EIF4E3: variants seen among roughly 807,000 people sequenced by gnomAD.
EIF4E3 encodes the protein eukaryotic translation initiation factor 4E family member 3.
Under a neutral mutation model 31.7 loss-of-function variants are expected in EIF4E3, and 26 were observed. The ratio of observed to expected loss-of-function variants is 0.82; its 90% CI spans 0.60 to 1.14. The LOEUF (loss-of-function observed/expected upper bound fraction) is 1.14. EIF4E3 is among the 50% of genes most tolerant of loss of function. EIF4E3 has a pLI of 0.00. For synonymous variants in EIF4E3, 128 were observed against 107.7 expected (o/e 1.19, Z -1.17); for missense variants, 304 against 270.9 (o/e 1.12, Z -0.86).
upstream of EIF4E3, among the ~76,000 whole-genome samples, chr3:71,726,680 T>C (rs112586369): frequency 0.016 from 2,495 of 152,274 alleles, 69 homozygotes; most frequent in African/African-American, 0.056. Context: ...CAGACTGTCA[T>C]GAATCCCAGA....
chr3:71,754,281 G>A (rs749941350), upstream of EIF4E3: 14 of 1,166,106 alleles, frequency 1.2e-5, no homozygotes, highest in East Asian at 4.1e-5. This position sits in a 1 kb window ranked among gnomAD's most constrained non-coding sequence, Gnocchi z 5.8. Context: ...CGTCATGCTG[G>A]CGGCGCGGCG....
intron 1 of EIF4E3, among the ~76,000 whole-genome samples, chr3:71,743,662 A>T (rs973101077): frequency 3.3e-5 from 5 of 152,186 alleles, no homozygotes; most frequent in African/African-American, 4.8e-5. Flanking sequence ...CAGCCAAAAC[A>T]ACTAGAAAAA....
chr3:71,672,888 G>A (rs1275480043), downstream of EIF4E3, among the ~76,000 whole-genome samples: 3 of 152,234 alleles, frequency 2.0e-5, no homozygotes, highest in East Asian at 5.8e-4. Flanking sequence ...AGTTATCAGG[G>A]CTACAAAGCA....
chr3:71,725,313 A>G lies in EIF4E3; in HGVS notation c.55T>C (p.Ser19Pro). The part of the protein sequence containing the change: ...PPAGAREPPG[S>P]RAAAAAAAPE... ...GCGGCGGCAGCGGCGGCGGCGCGGG[A>G]CCCCGGCGGCTCCCGGGCCCCGGCG... The change falls in exon 1 of 7, where the codon TCC becomes CCC. Residue 19 changes from serine to proline, a missense_variant. Coordinates refer to ENST00000425534, the MANE Select transcript of EIF4E3 (RefSeq NM_001134651.2). This position sits in a 1 kb window ranked among gnomAD's most constrained non-coding sequence, Gnocchi z 6.1. The G allele has an allele frequency of 2.1e-6, 2 of 974,360 alleles. No individual in the cohort carries two copies. The highest frequency in any genetic ancestry group is 2.4e-6 in the Non-Finnish European group (2 of 821,742). The allele number at this position is 974,360 out of a possible 1,614,324, so 60.4% of individuals were successfully genotyped here.
rs760932981 is a variant in EIF4E3, at chr3:71,712,635, TG to T, written c.177-2152del. On this transcript the variant is annotated intron_variant, in intron 1 of 6. Coordinates refer to ENST00000425534, the MANE Select transcript of EIF4E3 (RefSeq NM_001134651.2). The stretch of plus-strand genomic sequence containing the variant: ...CCCTATGTGTGTGTGTTGCGGGGGG[TG>T]GGCGGGGGAGATTCTAGGGCTCAAA... 4.2e-3 allele frequency among the ~76,000 whole-genome samples: 247 copies of T among 59,364 alleles called. 3 individuals are homozygous for T. Among genetic ancestry groups the T allele is most frequent in the Non-Finnish European group, 5.6e-3 (171 of 30,602 alleles). 38.9% of individuals were successfully genotyped at this position (59,364 alleles called of 152,430 possible).
the EIF4E3 span, among the ~76,000 whole-genome samples, chr3:71,664,152 C>T: frequency 6.6e-6 from 1 of 152,194 alleles, no homozygotes; most frequent in African/African-American, 2.4e-5. Context: ...GCCACTGCAT[C>T]ACCAAGTCCC....
chr3:71,739,197 T>G (rs1474816015), intron 1 of EIF4E3, among the ~76,000 whole-genome samples: 2 of 148,792 alleles, frequency 1.3e-5, no homozygotes, highest in African/African-American at 2.5e-5. Context: ...ATTAAGAAAC[T>G]AGGAAAAGAA....
intron 1 of EIF4E3, among the ~76,000 whole-genome samples, chr3:71,714,297 G>C (rs4989933): frequency 0.027 from 2,540 of 94,214 alleles, 22 homozygotes; most frequent in East Asian, 0.05. Context: ...AAGGAAGGAA[G>C]GAAGGAACGA....
intron 6 of EIF4E3, among the ~76,000 whole-genome samples, 171 bp downstream of exon 6, chr3:71,689,839 T>A (rs190157945): frequency 6.7e-6 from 1 of 150,086 alleles, no homozygotes; most frequent in African/African-American, 2.4e-5. Flanking sequence ...TTTCTGAGAC[T>A]AAGCTTGTTT....
intron 6 of EIF4E3, among the ~76,000 whole-genome samples, chr3:71,688,960 CCT>C (rs1553659822): frequency 6.6e-6 from 1 of 152,112 alleles, no homozygotes; most frequent in Non-Finnish European, 1.5e-5. Flanking sequence ...GTTAATATCC[CCT>C]GTCATACTAG....
intron 1 of EIF4E3, among the ~76,000 whole-genome samples, chr3:71,747,965 C>G (rs185645418): frequency 8.0e-4 from 122 of 152,308 alleles, no homozygotes; most frequent in Admixed American, 2.9e-3. Flanking sequence ...AGACAGCAAG[C>G]ACAATATTTT....
chr3:71,667,942 T>A, the EIF4E3 span, among the ~76,000 whole-genome samples: 2 of 152,082 alleles, frequency 1.3e-5, no homozygotes, highest in African/African-American at 4.8e-5. Context: ...GCCTGTATAG[T>A]CAAGACAATC....
At chr3:71,672,456 C>G (rs376280118), downstream of EIF4E3, among the ~76,000 whole-genome samples, 144 of 152,292 alleles carry the variant, frequency 9.5e-4, 1 homozygote, top group African/African-American at 3.2e-3. Flanking sequence ...TTTACAAGCC[C>G]GGCTTGCTTT....
At chr3:71,700,945 C>T (rs1250196908) in intron 2 of EIF4E3, among the ~76,000 whole-genome samples, 2 of 152,094 alleles carry the variant, frequency 1.3e-5, no homozygotes, top group East Asian at 3.9e-4. Flanking sequence ...CCATGACAGG[C>T]TTGGTGTCCT....
chr3:71,668,955 T>C, the EIF4E3 span, among the ~76,000 whole-genome samples: 864 of 152,322 alleles, frequency 5.7e-3, 8 homozygotes, highest in African/African-American at 0.02. Flanking sequence ...CATATGTTTA[T>C]TGCAGCACTG....
downstream of EIF4E3, among the ~76,000 whole-genome samples, chr3:71,673,678 T>C (rs1242084822): frequency 1.3e-5 from 2 of 152,006 alleles, no homozygotes; most frequent in Non-Finnish European, 1.5e-5. Context: ...GCATTTCTTA[T>C]AGTCTAGTAG....
intron 3 of EIF4E3, among the ~76,000 whole-genome samples, chr3:71,698,664 G>A (rs2049173102): frequency 6.6e-6 from 1 of 152,232 alleles, no homozygotes; most frequent in Non-Finnish European, 1.5e-5. Context: ...ACTCAAAGTG[G>A]GAGAATGAGA....
chr3:71,714,764 C>A (rs2049439707), intron 1 of EIF4E3, among the ~76,000 whole-genome samples: 1 of 152,194 alleles, frequency 6.6e-6, no homozygotes, highest in Non-Finnish European at 1.5e-5. Context: ...TGAACTGCAG[C>A]TGTATCATCT....
downstream of EIF4E3, among the ~76,000 whole-genome samples, chr3:71,670,957 A>G (rs1262423346): frequency 6.6e-6 from 1 of 152,026 alleles, no homozygotes; most frequent in South Asian, 2.1e-4. Flanking sequence ...CTCACTTCGC[A>G]AACCAAAACA....
Sources: gnomAD v4.1 joint callset for allele counts (sites outside exome capture counted in the v4.1 genomes callset) on GRCh38, gnomAD v4.1.1 for gene constraint, Gnocchi (gnomAD v3.1) non-coding constraint, MANE v1.5 for transcripts, NCBI Gene and HGNC (gene_info 2026-07-23, HGNC 2026-07-21) for gene names.